The following SPRED2 variants were observed in gnomAD, a reference collection of about 807,000 sequenced individuals.
SPRED2 encodes the protein sprouty-related, EVH1 domain-containing protein 2.
A neutral mutation model predicts 43.0 loss-of-function variants in SPRED2; 47 were observed. The observed-to-expected ratio is 1.09, with a 90% CI of 0.87 to 1.40. The LOEUF (loss-of-function observed/expected upper bound fraction) is 1.40, where lower values mean the gene tolerates loss of function less well. Ranked by LOEUF, SPRED2 falls within the 40% of genes most tolerant of loss-of-function variation. SPRED2 has a pLI of 0.00. For missense variants in SPRED2, 561 were observed against 586.4 expected (o/e 0.96, Z 0.45); for synonymous variants, 225 against 225.7 (o/e 1.00, Z 0.03).
At chr2:65,412,842 G>T (rs1161877560) in intron 1 of SPRED2, among the ~76,000 whole-genome samples, 2 of 152,146 alleles carry the variant, frequency 1.3e-5, no homozygotes, top group Non-Finnish European at 2.9e-5. Flanking sequence ...TGGATTTGAA[G>T]TTTCCTCCCA....
intron 1 of SPRED2, among the ~76,000 whole-genome samples, chr2:65,345,366 C>T (rs1006444772): frequency 1.4e-5 from 2 of 146,088 alleles, no homozygotes; most frequent in African/African-American, 5.0e-5. Flanking sequence ...CGGGTTCAAG[C>T]GATTCTGATT....
intron 2 of SPRED2, 89 bp downstream of exon 2, chr2:65,344,630 A>G (rs1369035387): frequency 6.6e-7 from 1 of 1,524,850 alleles, no homozygotes; most frequent in South Asian, 1.2e-5. Flanking sequence ...AAAGAAAGAA[A>G]AAAATACGTT....
rs1676199313 is a variant in SPRED2, at chr2:65,413,127, C to A, written c.26+18835G>T. Among the ~76,000 whole-genome samples the A allele has an allele frequency of 2.0e-5, 3 of 152,228 alleles. No homozygotes were observed. In the South Asian group the frequency reaches 6.2e-4, roughly 32 times the overall value. ...ATAAATTGTCCAGCAAGTGACCATA[C>A]TGACACCAAGAGGACCTTCTTTTTT... On this transcript the variant is annotated intron_variant, in intron 1 of 5. Transcript: ENST00000356388.
chr2:65,385,213 C>A lies in SPRED2; in HGVS notation c.27-40317G>T, dbSNP rs138699746. ...TCTCAAACTCCTGACCTCAGGTGAT[C>A]CGCCTGCCTTGGCCTCCCAAAATGC... On this transcript the variant is annotated intron_variant, in intron 1 of 5. Transcript: ENST00000356388. 2.6e-3 allele frequency among the ~76,000 whole-genome samples: 394 copies of A among 152,290 alleles called. 2 individuals carry two copies. Among genetic ancestry groups the A allele is most frequent in the Middle Eastern group, 6.8e-3 (2 of 294 alleles).
At chr2:65,366,526 C>T in intron 1 of SPRED2, 4 of 1,505,554 alleles carry the variant, frequency 2.7e-6, no homozygotes, top group Non-Finnish European at 2.7e-6. Context: ...AAAGCAGGCA[C>T]CAGAAAGGTT....
At chr2:65,422,646 T>C (rs1457312116) in intron 1 of SPRED2, among the ~76,000 whole-genome samples, 6 of 152,168 alleles carry the variant, frequency 3.9e-5, no homozygotes, top group Admixed American at 6.6e-5. Flanking sequence ...ATTCAAGTTA[T>C]TCCGATTCAC....
At chr2:65,355,244 G>A (rs555045310) in intron 1 of SPRED2, among the ~76,000 whole-genome samples, 21 of 152,216 alleles carry the variant, frequency 1.4e-4, no homozygotes, top group Middle Eastern at 3.4e-3. Flanking sequence ...TATCAGTCAC[G>A]TATCTGTGCA....
chr2:65,330,805 T>C (rs1673789968), intron 4 of SPRED2, among the ~76,000 whole-genome samples: 3 of 152,184 alleles, frequency 2.0e-5, no homozygotes, highest in Admixed American at 1.3e-4. Flanking sequence ...TGACTTACTT[T>C]CAAATGGATC....
At chr2:65,382,377 T>C (rs1675393533) in intron 1 of SPRED2, among the ~76,000 whole-genome samples, 1 of 152,222 alleles carries the variant, frequency 6.6e-6, no homozygotes, top group African/African-American at 2.4e-5. Context: ...TGCTGCTTAT[T>C]AAATTATTAA....
chr2:65,316,121 C>T (rs1410337910), intron 5 of SPRED2, among the ~76,000 whole-genome samples: 2 of 152,254 alleles, frequency 1.3e-5, no homozygotes, highest in Non-Finnish European at 2.9e-5. Context: ...CTAGTGGCCA[C>T]AGCACCCCAC....
downstream of SPRED2, among the ~76,000 whole-genome samples, chr2:65,307,844 C>T (rs1249916566): frequency 2.6e-5 from 4 of 152,190 alleles, no homozygotes; most frequent in African/African-American, 4.8e-5. Context: ...AAAGGAAGAG[C>T]GGTTTTTCTA....
chr2:65,392,658 A>G (rs868555548), intron 1 of SPRED2, among the ~76,000 whole-genome samples: 4 of 152,328 alleles, frequency 2.6e-5, no homozygotes, highest in South Asian at 2.1e-4. Context: ...CCATGGTACA[A>G]TGGAGTTGTG....
intron 1 of SPRED2, among the ~76,000 whole-genome samples, chr2:65,354,413 T>G (rs1413816943): frequency 6.6e-6 from 1 of 152,222 alleles, no homozygotes; most frequent in Non-Finnish European, 1.5e-5. Flanking sequence ...CAAAGTTACA[T>G]TAGACTCACT....
intron 1 of SPRED2, among the ~76,000 whole-genome samples, chr2:65,409,835 A>T (rs940818781): frequency 9.9e-5 from 15 of 151,832 alleles, no homozygotes; most frequent in Admixed American, 9.2e-4. Flanking sequence ...GGAGATCAAG[A>T]CCATCCTGGC....
chr2:65,344,319 CA>C (rs1278938871), intron 2 of SPRED2: 1 of 265,102 alleles, frequency 3.8e-6, no homozygotes, highest in Non-Finnish European at 7.5e-6. Flanking sequence ...TACCTGCCAC[CA>C]TCCAAACCTC....
At chr2:65,337,401 C>G (rs11688093) in intron 2 of SPRED2, among the ~76,000 whole-genome samples, 10,767 of 151,598 alleles carry the variant, frequency 0.071, 485 homozygotes, top group Middle Eastern at 0.15. Context: ...TGTTCTTGTT[C>G]GAGACTTGAA....
chr2:65,430,615 G>A (rs1676654663), intron 1 of SPRED2, among the ~76,000 whole-genome samples: 1 of 152,292 alleles, frequency 6.6e-6, no homozygotes, highest in South Asian at 2.1e-4. Flanking sequence ...GCCTGCGGGG[G>A]GCAAAAGACC....
chr2:65,395,197 G>A (rs191650352), intron 1 of SPRED2, among the ~76,000 whole-genome samples: 16 of 152,020 alleles, frequency 1.1e-4, no homozygotes, highest in South Asian at 2.1e-4. Flanking sequence ...CCGTGGCCCC[G>A]GCTCCTGGCC....
intron 2 of SPRED2, among the ~76,000 whole-genome samples, chr2:65,338,869 C>A (rs1340369431): frequency 2.2e-4 from 34 of 151,792 alleles, no homozygotes; most frequent in African/African-American, 7.7e-4. Context: ...CTCCTCCCGG[C>A]CGCCATCCCA....
Sources: allele counts gnomAD v4.1 joint callset (sites outside exome capture counted in the v4.1 genomes callset), GRCh38; gene constraint gnomAD v4.1.1; transcripts MANE v1.5; gene names NCBI Gene and HGNC (gene_info 2026-07-23, HGNC 2026-07-21).